The following CSMD1 variants were observed in gnomAD, a reference collection of about 807,000 sequenced individuals.
CSMD1 encodes the protein CUB and sushi domain-containing protein 1.
A neutral mutation model predicts 417.5 loss-of-function variants in CSMD1; 213 were observed. The ratio of observed to expected loss-of-function variants is 0.51; its 90% confidence interval spans 0.46 to 0.57. The LOEUF (loss-of-function observed/expected upper bound fraction) is 0.57. Ranked by LOEUF, CSMD1 falls within the 20% of genes least tolerant of loss-of-function variation. The pLI, the probability that CSMD1 is intolerant of heterozygous loss-of-function variation, is 0.00. For missense variants in CSMD1, 6,923 were observed against 4,529.7 expected (o/e 1.53, Z -15.17); for synonymous variants, 2,862 against 1,736.8 (o/e 1.65, Z -16.11).
chr8:4,287,632 C>T (rs868791059), intron 3 of CSMD1, among the ~76,000 whole-genome samples: 3 of 150,110 alleles, frequency 2.0e-5, no homozygotes, highest in African/African-American at 7.3e-5. Flanking sequence ...TAATTAAATG[C>T]TGGCTGCAGT....
chr8:3,844,951 T>C (rs1465333629), intron 5 of CSMD1, among the ~76,000 whole-genome samples: 3 of 152,326 alleles, frequency 2.0e-5, no homozygotes, highest in African/African-American at 7.2e-5. Context: ...TTTATTTTAA[T>C]GAATTAAGAT....
chr8:3,093,605 T>C (rs1254573367), intron 47 of CSMD1, among the ~76,000 whole-genome samples: 2 of 151,974 alleles, frequency 1.3e-5, no homozygotes, highest in African/African-American at 2.4e-5. Flanking sequence ...GAGGTGGAAG[T>C]TGCAGTGAGC....
chr8:3,355,632 T>A lies in CSMD1; in HGVS notation c.3304+3520A>T, dbSNP rs1391823259. 2.0e-5 allele frequency among the ~76,000 whole-genome samples: 3 copies of A among 152,262 alleles called. No homozygotes were observed. The East Asian group carries it at 5.8e-4, about 29-fold the overall frequency. The stretch of plus-strand genomic sequence containing the variant: ...GGGGCTACAGCACTGTATGTGATGA[T>A]ATGAGATCAGGAAGCCACCCAGTGC... On this transcript the variant is annotated intron_variant, in intron 21 of 69. Transcript: ENST00000635120.
intron 1 of CSMD1, among the ~76,000 whole-genome samples, chr8:4,927,678 T>G (rs892398970): frequency 1.3e-5 from 2 of 152,202 alleles, no homozygotes; most frequent in Non-Finnish European, 2.9e-5. Context: ...GTGATGACAC[T>G]GTGAACTAGG....
intron 5 of CSMD1, among the ~76,000 whole-genome samples, chr8:3,959,245 A>T (rs141317549): frequency 6.6e-6 from 1 of 152,242 alleles, no homozygotes; most frequent in African/African-American, 2.4e-5. Context: ...CACGTGTGTA[A>T]TCCCAGCACT....
chr8:3,849,435 T>C (rs2129099044), intron 5 of CSMD1, among the ~76,000 whole-genome samples: 1 of 152,302 alleles, frequency 6.6e-6, no homozygotes, highest in East Asian at 1.9e-4. Context: ...TGTCAGAAAG[T>C]AACCCTGCTC....
At chr8:4,883,209 T>C (rs1803522822) in intron 1 of CSMD1, among the ~76,000 whole-genome samples, 1 of 152,092 alleles carries the variant, frequency 6.6e-6, no homozygotes, top group Admixed American at 6.5e-5. Flanking sequence ...ACATGACGTC[T>C]ACCAGAGCAA....
intron 7 of CSMD1, among the ~76,000 whole-genome samples, chr8:3,666,531 T>A (rs1346692928): frequency 6.6e-6 from 1 of 152,208 alleles, no homozygotes; most frequent in East Asian, 1.9e-4. Flanking sequence ...AAGCCTTTTT[T>A]GAAAGCTGCC....
intron 1 of CSMD1, among the ~76,000 whole-genome samples, chr8:4,819,711 T>C (rs1426254439): frequency 6.6e-6 from 1 of 152,132 alleles, no homozygotes; most frequent in Non-Finnish European, 1.5e-5. Context: ...TACAGAGTTC[T>C]TACAGATAAA....
At chr8:4,379,683 A>T (rs1754302214) in intron 3 of CSMD1, among the ~76,000 whole-genome samples, 1 of 56,462 alleles carries the variant, frequency 1.8e-5, no homozygotes, top group African/African-American at 4.3e-5. Flanking sequence ...ACAGGGGAAG[A>T]GGGCAATGAA....
chr8:3,426,365 A>T (rs1813839885), intron 12 of CSMD1, among the ~76,000 whole-genome samples: 1 of 152,180 alleles, frequency 6.6e-6, no homozygotes, highest in South Asian at 2.1e-4. Context: ...AGACTCATAG[A>T]TACTTGGAAC....
chr8:4,259,637 C>G (rs1223005615), intron 3 of CSMD1, among the ~76,000 whole-genome samples: 2 of 151,946 alleles, frequency 1.3e-5, no homozygotes, highest in African/African-American at 2.4e-5. Context: ...GAGTCCTTAC[C>G]CAAAACAATG....
intron 3 of CSMD1, among the ~76,000 whole-genome samples, chr8:4,383,847 G>A (rs1232956306): frequency 6.6e-6 from 1 of 151,526 alleles, no homozygotes; most frequent in Non-Finnish European, 1.5e-5. Context: ...ATAATAACAT[G>A]GAAATAAACA....
intron 1 of CSMD1, among the ~76,000 whole-genome samples, chr8:4,817,760 G>C (rs769794976): frequency 6.6e-6 from 1 of 152,198 alleles, no homozygotes; most frequent in Non-Finnish European, 1.5e-5. Flanking sequence ...ATCACGCTGA[G>C]TAGGTACTCT....
chr8:4,402,627 T>C (rs1042860195), intron 3 of CSMD1, among the ~76,000 whole-genome samples: 5 of 152,120 alleles, frequency 3.3e-5, no homozygotes, highest in Admixed American at 1.3e-4. Context: ...TCTTTAATCT[T>C]GCAAGACCTA....
intron 6 of CSMD1, among the ~76,000 whole-genome samples, chr8:3,751,998 G>C (rs971516868): frequency 2.0e-5 from 3 of 152,112 alleles, no homozygotes; most frequent in Non-Finnish European, 2.9e-5. Context: ...CATATCCATA[G>C]ATAAGGATCA....
At chr8:3,801,544 T>C (rs906831513) in intron 5 of CSMD1, among the ~76,000 whole-genome samples, 8 of 152,090 alleles carry the variant, frequency 5.3e-5, no homozygotes, top group Non-Finnish European at 8.8e-5. Context: ...GTTAGAGATA[T>C]GCTGGAAGAC....
At chr8:3,296,474 C>A (rs779028886) in intron 25 of CSMD1, among the ~76,000 whole-genome samples, 1 of 152,064 alleles carries the variant, frequency 6.6e-6, no homozygotes, top group East Asian at 1.9e-4. Context: ...GGATGATACA[C>A]CGATGCGGGA....
chr8:4,616,863 A>C (rs1045985874), intron 2 of CSMD1, among the ~76,000 whole-genome samples: 1 of 152,306 alleles, frequency 6.6e-6, no homozygotes, highest in South Asian at 2.1e-4. Flanking sequence ...TTTGCTGTTT[A>C]ATTTTTAAAA....
Sources: allele counts gnomAD v4.1 joint callset (sites outside exome capture counted in the v4.1 genomes callset), GRCh38; gene constraint gnomAD v4.1.1; transcripts MANE v1.5; gene names NCBI Gene and HGNC (gene_info 2026-07-23, HGNC 2026-07-21).